PDS5B: variants seen among roughly 807,000 people sequenced by gnomAD.
PDS5B encodes the protein sister chromatid cohesion protein PDS5 homolog B.
Under a neutral mutation model 184.1 loss-of-function variants are expected in PDS5B, and 51 were observed. The observed-to-expected ratio is 0.28, with a 90% CI of 0.22 to 0.35. The LOEUF (loss-of-function observed/expected upper bound fraction) is 0.35, where lower values mean the gene tolerates loss of function less well. PDS5B is among the 10% of genes least tolerant of loss of function. PDS5B has a pLI of 1.00. For synonymous variants in PDS5B, 566 were observed against 569.2 expected, an observed-to-expected ratio of 0.99 and a Z score of 0.08; for missense variants, 1,180 against 1,723.3, an observed-to-expected ratio of 0.68 and a Z score of 5.58.
intron 21 of PDS5B, among the ~76,000 whole-genome samples, chr13:32,740,860 A>G (rs1375324435): frequency 3.9e-5 from 6 of 151,988 alleles, no homozygotes; most frequent in Non-Finnish European, 7.4e-5. Flanking sequence ...ACCAGTCGTG[A>G]TGGATCTATA....
chr13:32,673,517 C>CT (rs1446954253), intron 8 of PDS5B, among the ~76,000 whole-genome samples, 161 bp downstream of exon 8: 12 of 152,114 alleles, frequency 7.9e-5, no homozygotes, highest in African/African-American at 2.2e-4. Flanking sequence ...GTTTGTGAAT[C>CT]TTTAGTGCCT....
In PDS5B at chr13:32,673,362, T is replaced by G. The variant is rs2140761358; in HGVS notation, c.846+6T>G. 6.2e-7 allele frequency: 1 copy of G among 1,602,940 alleles called. No homozygotes were observed. Among genetic ancestry groups the G allele is most frequent in the South Asian group, 1.1e-5 (1 of 89,048 alleles). ...AGCTTGAATTTAAATTAAAGGTAAC[T>G]TGTAAAAATAATATGATTCTACCAA... On this transcript the variant is annotated splice_donor_region_variant and intron_variant, in intron 8 of 34. Coordinates refer to ENST00000315596, the MANE Select transcript of PDS5B (RefSeq NM_015032.4).
At chr13:32,626,531 C>T (rs772834280) in intron 1 of PDS5B, among the ~76,000 whole-genome samples, 72 of 151,812 alleles carry the variant, frequency 4.7e-4, no homozygotes, top group Non-Finnish European at 1.0e-3. Context: ...AGTTTTGCCT[C>T]CTGCTTTTCT....
rs1385675262 is a variant in PDS5B, at chr13:32,696,846, A to G, written c.1552-8A>G. The G allele has an allele frequency of 1.3e-6, 2 of 1,592,776 alleles. No individual in the cohort carries two copies. The highest frequency in any genetic ancestry group is 3.4e-5 in the Admixed American group (2 of 58,026). ...TTTTAATTTTGCATTTTTTTGTGTG[A>G]TTTACAGACAGATGCCAGTGTCAAG... On this transcript the variant is annotated splice_region_variant and splice_polypyrimidine_tract_variant and intron_variant, in intron 14 of 34. Coordinates refer to ENST00000315596, the MANE Select transcript of PDS5B (RefSeq NM_015032.4).
At chr13:32,637,930 A>G (rs1325155559) in intron 1 of PDS5B, among the ~76,000 whole-genome samples, 1 of 152,154 alleles carries the variant, frequency 6.6e-6, no homozygotes, top group Non-Finnish European at 1.5e-5. Context: ...AACTGTTCCC[A>G]ATTGTGTATA....
intron 1 of PDS5B, among the ~76,000 whole-genome samples, chr13:32,631,606 A>G (rs1281687693): frequency 6.6e-6 from 1 of 152,186 alleles, no homozygotes; most frequent in Admixed American, 6.5e-5. Context: ...TATTGTGGCA[A>G]GTTTGATTGT....
At chr13:32,628,471 C>T (rs917662279) in intron 1 of PDS5B, among the ~76,000 whole-genome samples, 1 of 151,474 alleles carries the variant, frequency 6.6e-6, no homozygotes, top group South Asian at 2.1e-4. Context: ...TTGCTTGAAC[C>T]TGGGAGGTGG....
chr13:32,695,135 G>A (rs887334480), intron 14 of PDS5B, among the ~76,000 whole-genome samples: 1 of 151,584 alleles, frequency 6.6e-6, no homozygotes, highest in Non-Finnish European at 1.5e-5. Context: ...CATTTGAGTG[G>A]TTTATAGTGA....
chr13:32,632,347 G>A (rs979285898), intron 1 of PDS5B, among the ~76,000 whole-genome samples: 7 of 152,138 alleles, frequency 4.6e-5, no homozygotes, highest in South Asian at 2.1e-4. Context: ...ATTTAAAAGT[G>A]AGCAATGATC....
At position 32,764,488 on chromosome 13, in the gene PDS5B, G is replaced by A; in HGVS notation, c.3519-1G>A. On this transcript the variant is annotated splice_acceptor_variant, in intron 30 of 34. Coordinates refer to ENST00000315596, the MANE Select transcript of PDS5B (RefSeq NM_015032.4). LOFTEE classifies it high-confidence loss of function. The stretch of plus-strand genomic sequence containing the variant: ...ACAATTACAAATGTCTGTATTAAAA[G>A]GCTTGATAGTTCTGAAATGGATCAC... 1 of 1,563,662 alleles carries A rather than the reference G, an allele frequency of 6.4e-7. No homozygotes were observed. The highest frequency in any genetic ancestry group is 8.7e-7 in the Non-Finnish European group (1 of 1,146,472).
intron 19 of PDS5B, among the ~76,000 whole-genome samples, chr13:32,726,431 A>G (rs1024701182): frequency 4.6e-5 from 7 of 152,044 alleles, no homozygotes; most frequent in Admixed American, 4.6e-4. Flanking sequence ...GTGTTTTTTG[A>G]CAGTTATCTT....
chr13:32,641,217 TGAAAG>T (rs1247796544), intron 1 of PDS5B, among the ~76,000 whole-genome samples: 1 of 152,192 alleles, frequency 6.6e-6, no homozygotes, highest in South Asian at 2.1e-4. Context: ...TCCCCAAAGA[TGAAAG>T]GAACTATTAT....
intron 13 of PDS5B, among the ~76,000 whole-genome samples, chr13:32,692,317 A>G (rs1472689405): frequency 6.6e-6 from 1 of 151,632 alleles, no homozygotes; most frequent in South Asian, 2.1e-4. Flanking sequence ...ACCTCTCACA[A>G]GTTCCCCAGA....
At chr13:32,738,619 G>A (rs929570945) in intron 21 of PDS5B, among the ~76,000 whole-genome samples, 2 of 151,960 alleles carry the variant, frequency 1.3e-5, no homozygotes, top group Non-Finnish European at 2.9e-5. Flanking sequence ...CCTCATTTAT[G>A]TGTGTCTTTT....
chr13:32,743,395 C>A (rs572946727), intron 23 of PDS5B, among the ~76,000 whole-genome samples: 2 of 152,090 alleles, frequency 1.3e-5, no homozygotes, highest in South Asian at 4.2e-4. Flanking sequence ...GTTAGTATAC[C>A]TAAAGCATTT....
chr13:32,770,520 A>C lies in PDS5B; in HGVS notation c.4024A>C (p.Lys1342Gln), dbSNP rs1406762391. Residue 1342 changes from lysine to glutamine, a missense_variant, in exon 32 of 35, where the codon AAA becomes CAA. Around this residue, in one of 11 missense-constraint regions of PDS5B, gnomAD observed 465 missense variants for 497.8 expected, o/e 0.93. Coordinates refer to ENST00000315596, the MANE Select transcript of PDS5B (RefSeq NM_015032.4). ...AAGTGGAAATACGGAACAGAAGTCC[A>C]AAAGCAAACAGCACCGAGTGTCAAG... ...RQSGNTEQKS[K>Q]SKQHRVSRRA... 1 of 1,609,990 alleles carries C rather than the reference A, an allele frequency of 6.2e-7. No homozygotes were observed. The highest frequency in any genetic ancestry group is 1.7e-5 in the Admixed American group (1 of 59,020).
At chr13:32,684,353 C>G (rs879711297) in intron 11 of PDS5B, among the ~76,000 whole-genome samples, 16 of 152,230 alleles carry the variant, frequency 1.1e-4, no homozygotes, top group Admixed American at 8.5e-4. Context: ...GTTGACTCTT[C>G]TTTTTCTTTC....
intron 23 of PDS5B, among the ~76,000 whole-genome samples, chr13:32,743,792 T>C (rs1428418530): frequency 1.3e-5 from 2 of 152,156 alleles, no homozygotes; most frequent in Non-Finnish European, 2.9e-5. Context: ...TTTATTCTAA[T>C]TAATCTATTC....
chr13:32,605,789 CTT>C (rs2058051123), intron 1 of PDS5B, among the ~76,000 whole-genome samples: 1 of 69,676 alleles, frequency 1.4e-5, no homozygotes, highest in South Asian at 3.4e-4. Flanking sequence ...ATAGTTAGCT[CTT>C]CTTGTTGAAT....
Sources: allele counts gnomAD v4.1 joint callset (sites outside exome capture counted in the v4.1 genomes callset), GRCh38; gene constraint gnomAD v4.1.1; regional missense constraint gnomAD v4.1.1; transcripts MANE v1.5; gene names NCBI Gene and HGNC (gene_info 2026-07-23, HGNC 2026-07-21).